BAZ2B: variants seen among roughly 807,000 people sequenced by gnomAD.
The protein encoded by BAZ2B is bromodomain adjacent to zinc finger domain 2B, also known as bromodomain adjacent to zinc finger domain protein 2B.
In BAZ2B, 91 loss-of-function variants were observed where a neutral mutation model predicts 246.0. That is an observed-to-expected ratio of 0.37 (90% CI 0.31 to 0.44). The LOEUF is 0.44. Ranked by LOEUF, BAZ2B falls within the 20% of genes least tolerant of loss-of-function variation. The probability of loss-of-function intolerance (pLI) is 1.00; values close to 1 mark genes in which losing one functional copy is unlikely to be tolerated. For synonymous variants in BAZ2B, 855 were observed against 860.0 expected (o/e 0.99, Z 0.10); for missense variants, 2,332 against 2,533.7 (o/e 0.92, Z 1.71).
At chr2:159,556,924 A>G (rs1195545810) in intron 1 of BAZ2B, among the ~76,000 whole-genome samples, 1 of 152,188 alleles carries the variant, frequency 6.6e-6, no homozygotes, top group African/African-American at 2.4e-5. Flanking sequence ...GGAAAGAGAT[A>G]TTCCTTATTA....
intron 6 of BAZ2B, among the ~76,000 whole-genome samples, chr2:159,441,194 A>C (rs953458586): frequency 6.6e-6 from 1 of 152,218 alleles, no homozygotes; most frequent in African/African-American, 2.4e-5. Flanking sequence ...AAGAAATAAG[A>C]GAGCTACAGT....
intron 5 of BAZ2B, 148 bp downstream of exon 5, chr2:159,448,094 A>T: frequency 1.1e-6 from 1 of 885,580 alleles, no homozygotes; most frequent in Non-Finnish European, 1.6e-6. Flanking sequence ...ACTGTACTCC[A>T]GCCTGGGCAA....
chr2:159,547,601 G>T (rs1377607418), intron 2 of BAZ2B, among the ~76,000 whole-genome samples: 1 of 152,082 alleles, frequency 6.6e-6, no homozygotes, highest in African/African-American at 2.4e-5. Context: ...AGTGTGAGTG[G>T]AAGAAAACAA....
the BAZ2B span, among the ~76,000 whole-genome samples, chr2:159,623,213 C>A: frequency 6.6e-6 from 1 of 151,216 alleles, no homozygotes; most frequent in Non-Finnish European, 1.5e-5. Flanking sequence ...AGAGCATGCA[C>A]GAGAGAGTGA....
At chr2:159,423,165 A>T (rs1044697109) in intron 13 of BAZ2B, among the ~76,000 whole-genome samples, 7 of 151,960 alleles carry the variant, frequency 4.6e-5, no homozygotes, top group Non-Finnish European at 1.0e-4. Flanking sequence ...AACACAAAAA[A>T]ATTAGCTGGG....
rs778391584 is a variant in BAZ2B, at chr2:159,448,259, C to T, written c.485G>A (p.Arg162Gln). 33 of 1,611,770 alleles carry T rather than the reference C, an allele frequency of 2.0e-5. No individual in the cohort carries two copies. The highest frequency in any genetic ancestry group is 1.1e-4 in the South Asian group (10 of 90,494). Residue 162 changes from arginine to glutamine, a missense_variant, in exon 5 of 37, where the codon CGA becomes CAA. Around this residue, in one of 9 missense-constraint regions of BAZ2B, gnomAD observed 242 missense variants for 237.4 expected, o/e 1.02. Transcript: ENST00000392783. ...GTGGATACCTTTTTCGGGACCATTT[C>T]GATTACTTTTTCCCGAAGTCCTTGA... is the stretch of plus-strand genomic sequence containing the variant. ...FHSRTSGKSN[R>Q]NGPEKGVNGS...
chr2:159,650,693 G>A, the BAZ2B span, among the ~76,000 whole-genome samples: 1 of 152,104 alleles, frequency 6.6e-6, no homozygotes, highest in Non-Finnish European at 1.5e-5. Flanking sequence ...CACCACTTCA[G>A]TACTGCACCC....
chr2:159,466,756 C>T (rs138141707), intron 3 of BAZ2B, among the ~76,000 whole-genome samples: 39 of 152,244 alleles, frequency 2.6e-4, no homozygotes, highest in East Asian at 3.9e-4. Flanking sequence ...GTCCCAGCCA[C>T]GGAAGAAGAC....
chr2:159,394,627 G>A (rs937464748), intron 20 of BAZ2B, among the ~76,000 whole-genome samples: 2 of 152,062 alleles, frequency 1.3e-5, no homozygotes, highest in African/African-American at 4.8e-5. Context: ...TCAGTAGTTC[G>A]CAACCTGGGA....
chr2:159,328,070 G>GAAAAAAAAAAAAAAAAAAA (rs1306873341), intron 34 of BAZ2B, among the ~76,000 whole-genome samples: 1 of 49,528 alleles, frequency 2.0e-5, no homozygotes, highest in Non-Finnish European at 4.4e-5. Flanking sequence ...GCCTCAAAAC[G>GAAAAAAAAAAAAAAAAAAA]AAAAAAAAAA....
chr2:159,621,442 TAAGA>T (rs1257324411), upstream of BAZ2B, among the ~76,000 whole-genome samples: 2 of 151,960 alleles, frequency 1.3e-5, no homozygotes, highest in African/African-American at 4.8e-5. Context: ...GAAAAAGAAA[TAAGA>T]AAAACACAGG....
At chr2:159,690,585 T>G in the BAZ2B span, among the ~76,000 whole-genome samples, 60,955 of 151,598 alleles carry the variant, frequency 0.4, 12,713 homozygotes, top group African/African-American at 0.5. Flanking sequence ...ATTATTTGAG[T>G]TAGTTTTACC....
the BAZ2B span, among the ~76,000 whole-genome samples, chr2:159,657,738 C>G: frequency 6.6e-6 from 1 of 152,162 alleles, no homozygotes; most frequent in Non-Finnish European, 1.5e-5. Flanking sequence ...GGTATTGTTT[C>G]TTTAATGTCA....
chr2:159,439,145 G>T lies in BAZ2B; in HGVS notation c.764C>A (p.Thr255Asn). 6.2e-7 allele frequency: 1 copy of T among 1,613,936 alleles called. No homozygotes were observed. Among genetic ancestry groups the T allele is most frequent in the African/African-American group, 1.3e-5 (1 of 75,018 alleles). Residue 255 changes from threonine to asparagine, a missense_variant, in exon 7 of 37, where the codon ACC (threonine) becomes AAC (asparagine). By Grantham distance (65) the Thr-to-Asn change is moderately conservative. Around this residue, in one of 9 missense-constraint regions of BAZ2B, gnomAD observed 161 missense variants for 225.8 expected, o/e 0.71. Transcript: ENST00000392783. ...ACTGCTACTAATGCCTTCACTTGAG[G>T]TGTCTGATGATGTGCCTGAATCACT... Reference protein sequence around the residue: ...SDSDSGTSSDTSSEGISSSDS... With the variant: ...SDSDSGTSSDNSSEGISSSDS...
At chr2:159,567,684 A>G (rs1394320960) in intron 1 of BAZ2B, among the ~76,000 whole-genome samples, 1 of 152,094 alleles carries the variant, frequency 6.6e-6, no homozygotes, top group Non-Finnish European at 1.5e-5. Flanking sequence ...ATTACAATTT[A>G]AAAATCAGGC....
At chr2:159,546,483 T>C (rs1377517498) in intron 2 of BAZ2B, among the ~76,000 whole-genome samples, 3 of 148,066 alleles carry the variant, frequency 2.0e-5, no homozygotes, top group Admixed American at 6.9e-5. Flanking sequence ...AATGGACTAA[T>C]ACATCTAGTA....
intron 27 of BAZ2B, among the ~76,000 whole-genome samples, chr2:159,372,104 A>G (rs2060914436): frequency 6.6e-6 from 1 of 152,222 alleles, no homozygotes. Context: ...TTTCTATTAG[A>G]GTCATCTATA....
chr2:159,483,740 C>T (rs1458862693), intron 2 of BAZ2B, among the ~76,000 whole-genome samples: 1 of 152,042 alleles, frequency 6.6e-6, no homozygotes, highest in Non-Finnish European at 1.5e-5. Flanking sequence ...AAGGTTGCAC[C>T]ACTGTACTCC....
chr2:159,560,116 C>T (rs1219927439), intron 1 of BAZ2B, among the ~76,000 whole-genome samples: 1 of 152,174 alleles, frequency 6.6e-6, no homozygotes, highest in African/African-American at 2.4e-5. Context: ...TCAATTTTAA[C>T]ATACTCATGT....
Sources: gnomAD v4.1 joint callset for allele counts (sites outside exome capture counted in the v4.1 genomes callset) on GRCh38, gnomAD v4.1.1 for gene constraint, gnomAD v4.1.1 regional missense constraint, MANE v1.5 for transcripts, NCBI Gene and HGNC (gene_info 2026-07-23, HGNC 2026-07-21) for gene names.